The following SDK1 variants were observed in gnomAD, a reference collection of about 807,000 sequenced individuals.
SDK1 encodes protein sidekick-1.
A neutral mutation model predicts 245.5 loss-of-function variants in SDK1; 157 were observed. That is an observed-to-expected ratio of 0.64 (90% CI 0.56 to 0.73). SDK1 has a LOEUF of 0.73. Among genes scored for constraint, SDK1 ranks in the 30% least tolerant of loss-of-function variants. The pLI is 0.00. For synonymous variants in SDK1, 1,647 were observed against 1,278.5 expected (o/e 1.29, Z -6.15); for missense variants, 3,583 against 3,002.3 (o/e 1.19, Z -4.52).
intron 1 of SDK1, among the ~76,000 whole-genome samples, chr7:3,361,090 TC>T (rs1780939121): frequency 6.6e-6 from 1 of 152,174 alleles, no homozygotes; most frequent in Non-Finnish European, 1.5e-5. Flanking sequence ...ATTGATCAAA[TC>T]ATCTTAAACA....
intron 17 of SDK1, among the ~76,000 whole-genome samples, chr7:4,038,274 G>A (rs116243960): frequency 4.9e-4 from 74 of 152,314 alleles, no homozygotes; most frequent in African/African-American, 1.8e-3. Flanking sequence ...CCCTGTCCTG[G>A]CCTCCCCACT....
At chr7:3,679,420 A>G (rs1474802317) in intron 4 of SDK1, among the ~76,000 whole-genome samples, 1 of 151,328 alleles carries the variant, frequency 6.6e-6, no homozygotes, top group Non-Finnish European at 1.5e-5. Context: ...CAAAAAAATT[A>G]GCCGGGCGCG....
chr7:3,909,860 C>A (rs1779101184), intron 5 of SDK1, among the ~76,000 whole-genome samples: 1 of 152,092 alleles, frequency 6.6e-6, no homozygotes. Context: ...AAGTTAAATA[C>A]AACAGGATGG....
At position 3,946,672 on chromosome 7, in the gene SDK1, T is replaced by C. The variant is rs150608852; in HGVS notation, c.848-4251T>C. 2.6e-3 allele frequency among the ~76,000 whole-genome samples: 397 copies of C among 152,310 alleles called. 1 individual carries two copies. The highest frequency in any genetic ancestry group is 9.2e-3 in the African/African-American group (381 of 41,562). The stretch of plus-strand genomic sequence containing the variant: ...TTGAAGACTTACTTTTTTTAAGTTA[T>C]TTAAGGATACTCTAGCTAAGTGAGG... On this transcript the variant is annotated intron_variant, in intron 5 of 44. Coordinates refer to ENST00000404826, the MANE Select transcript of SDK1 (RefSeq NM_152744.4).
At chr7:3,584,419 A>G (rs2464614) in intron 1 of SDK1, among the ~76,000 whole-genome samples, 92,748 of 151,862 alleles carry the variant, frequency 0.61, 29,680 homozygotes, top group African/African-American at 0.79. Flanking sequence ...TTGAGCTTTC[A>G]CTTCGTTTCT....
At chr7:3,800,733 G>A (rs937096916) in intron 4 of SDK1, among the ~76,000 whole-genome samples, 2 of 152,058 alleles carry the variant, frequency 1.3e-5, no homozygotes, top group Non-Finnish European at 2.9e-5. Flanking sequence ...AAATGATTCA[G>A]AGTTTTTCGT....
At chr7:3,879,561 AC>A (rs1446056950) in intron 5 of SDK1, among the ~76,000 whole-genome samples, 1 of 152,162 alleles carries the variant, frequency 6.6e-6, no homozygotes, top group Non-Finnish European at 1.5e-5. Context: ...CCAATTCTGT[AC>A]CGGCTCCTGG....
intron 35 of SDK1, among the ~76,000 whole-genome samples, chr7:4,189,501 C>G (rs17134481): frequency 0.077 from 11,694 of 152,200 alleles, 758 homozygotes; most frequent in African/African-American, 0.17. Context: ...GGCCTTTAGC[C>G]CCGCAACTTT....
chr7:3,731,126 C>T (rs1201927741), intron 4 of SDK1, among the ~76,000 whole-genome samples: 1 of 152,150 alleles, frequency 6.6e-6, no homozygotes, highest in Non-Finnish European at 1.5e-5. Context: ...TGCTAGTCTG[C>T]ACTCACTCAT....
rs368094798 is a variant in SDK1, at chr7:4,122,183, T to C, written c.3824-5198T>C. On this transcript the variant is annotated intron_variant, in intron 25 of 44. Transcript: ENST00000404826. ...GAATGGAGATTTCACAGCCTTCTTCTCTGGGAATCTCCCCACCTCTGACTG... is the reference window on the plus strand; with the variant it reads ...GAATGGAGATTTCACAGCCTTCTTCCCTGGGAATCTCCCCACCTCTGACTG... Among the ~76,000 whole-genome samples, 592 of 152,274 alleles carry C rather than the reference T, an allele frequency of 3.9e-3. 17 individuals carry two copies. In the South Asian group the frequency reaches 0.079, roughly 20 times the overall value.
At chr7:3,873,121 G>GAGT (rs1780996362) in intron 5 of SDK1, among the ~76,000 whole-genome samples, 1 of 152,098 alleles carries the variant, frequency 6.6e-6, no homozygotes, top group Admixed American at 6.5e-5. Context: ...GTTTCATGAA[G>GAGT]AGTATGTCTA....
In SDK1 at chr7:4,221,226, C is replaced by G. The variant is rs1190995023; in HGVS notation, c.5702-13C>G. 6.2e-7 allele frequency: 1 copy of G among 1,612,508 alleles called. No homozygotes were observed. Among genetic ancestry groups the G allele is most frequent in the Non-Finnish European group, 8.5e-7 (1 of 1,179,918 alleles). ...GCTGATGCCTCACCTCTCTTTTCTT[C>G]TTTATCCCGCAGGATCCCCGGGCTC... On this transcript the variant is annotated splice_polypyrimidine_tract_variant and intron_variant, in intron 39 of 44. Transcript: ENST00000404826.
chr7:3,575,215 C>G (rs1377371996), intron 1 of SDK1, among the ~76,000 whole-genome samples: 1 of 152,062 alleles, frequency 6.6e-6, no homozygotes, highest in Non-Finnish European at 1.5e-5. Flanking sequence ...TTGTAGGTGG[C>G]TGCCTTCTTT....
At chr7:4,005,517 G>A (rs933463055) in intron 14 of SDK1, among the ~76,000 whole-genome samples, 5 of 151,598 alleles carry the variant, frequency 3.3e-5, no homozygotes, top group Middle Eastern at 3.4e-3. Context: ...CGCTTCTGGT[G>A]ATGTTGAGAT....
At chr7:3,736,156 AG>A (rs1779313295) in intron 4 of SDK1, among the ~76,000 whole-genome samples, 1 of 152,136 alleles carries the variant, frequency 6.6e-6, no homozygotes, top group African/African-American at 2.4e-5. Flanking sequence ...TGACCCTGTT[AG>A]TTTTGTCCTT....
chr7:3,496,744 A>C (rs1403129195), intron 1 of SDK1, among the ~76,000 whole-genome samples: 3 of 152,200 alleles, frequency 2.0e-5, no homozygotes, highest in Non-Finnish European at 2.9e-5. Flanking sequence ...CATTTGTTAC[A>C]TTCTGAAAGC....
In SDK1 at chr7:3,969,273, C is replaced by T. The variant is rs1438812207; in HGVS notation, c.1563C>T (p.Ala521=). ...GTTCTTTAGAAAACCACATTCTGGC[C>T]AGTGGCTCTGTCCGGATTCCTAGGT... ...ITWKRENHIL[A]SGSVRIPRFM... is the part of the protein sequence containing the mutation. Residue 521 remains alanine, a synonymous_variant, in exon 11 of 45, where the codon GCC becomes GCT. Transcript: ENST00000404826. 1 of 1,602,270 alleles carries T rather than the reference C, an allele frequency of 6.2e-7. No homozygotes were observed. Among genetic ancestry groups the T allele is most frequent in the Admixed American group, 1.7e-5 (1 of 58,364 alleles).
chr7:4,018,223 T>G (rs1257059973), intron 17 of SDK1, among the ~76,000 whole-genome samples: 1 of 152,258 alleles, frequency 6.6e-6, no homozygotes, highest in East Asian at 1.9e-4. Context: ...TTTATTTGCT[T>G]AGGCATTTTT....
intron 4 of SDK1, among the ~76,000 whole-genome samples, chr7:3,718,747 C>A (rs1020564813): frequency 5.3e-5 from 8 of 150,122 alleles, no homozygotes; most frequent in African/African-American, 2.0e-4. Flanking sequence ...GCAAGAATGA[C>A]CGCTCTCCCA....
Sources: gnomAD v4.1 joint callset for allele counts (sites outside exome capture counted in the v4.1 genomes callset) on GRCh38, gnomAD v4.1.1 for gene constraint, MANE v1.5 for transcripts, NCBI Gene and HGNC (gene_info 2026-07-23, HGNC 2026-07-21) for gene names.